The following COL21A1 variants were observed in gnomAD, a reference collection of about 807,000 sequenced individuals.
COL21A1 encodes collagen type XXI alpha 1 chain, also known as collagen alpha-1(XXI) chain.
A neutral mutation model predicts 137.9 loss-of-function variants in COL21A1; 149 were observed. The ratio of observed to expected loss-of-function variants is 1.08; its 90% CI spans 0.95 to 1.24. COL21A1 has a LOEUF of 1.24. Ranked by LOEUF, COL21A1 falls within the 50% of genes most tolerant of loss-of-function variation. The pLI is 0.00. For synonymous variants in COL21A1, 456 were observed against 391.5 expected (o/e 1.16, Z -1.95); for missense variants, 1,167 against 1,158.4 (o/e 1.01, Z -0.11).
intron 17 of COL21A1, among the ~76,000 whole-genome samples, chr6:56,079,209 T>C (rs1010581863): frequency 5.9e-5 from 9 of 151,638 alleles, no homozygotes; most frequent in Non-Finnish European, 1.3e-4. Context: ...TGTAAATTCT[T>C]CTCAGAAGGA....
At position 56,340,134 on chromosome 6, in the gene COL21A1, T is replaced by C. The variant is rs75380645; in HGVS notation, c.-39+53837A>G. On this transcript the variant is annotated intron_variant, in intron 1 of 28. Transcript: ENST00000370819. ...TATTTTTCTTTAGAGATACATTGTTTTTCCTCTCTTATTTGATCTAGATTT... is the reference window on the plus strand; with the variant it reads ...TATTTTTCTTTAGAGATACATTGTTCTTCCTCTCTTATTTGATCTAGATTT... 2.6e-5 allele frequency among the ~76,000 whole-genome samples: 4 copies of C among 152,276 alleles called. No individual in the cohort carries two copies. The East Asian group carries it at 7.7e-4, about 29-fold the overall frequency.
intron 17 of COL21A1, among the ~76,000 whole-genome samples, chr6:56,087,624 T>C (rs1582294549): frequency 6.6e-6 from 1 of 152,202 alleles, no homozygotes; most frequent in African/African-American, 2.4e-5. Context: ...CTGGTGTTTA[T>C]AGTTTCCCTT....
chr6:56,200,455 CT>C (rs1442729279), intron 1 of COL21A1, among the ~76,000 whole-genome samples: 2 of 100,852 alleles, frequency 2.0e-5, no homozygotes, highest in Non-Finnish European at 3.7e-5. Context: ...TCCCTCCCCC[CT>C]CCCCCCACCC....
intron 3 of COL21A1, among the ~76,000 whole-genome samples, chr6:56,178,312 C>G (rs1174338790): frequency 6.6e-6 from 1 of 152,044 alleles, no homozygotes; most frequent in African/African-American, 2.4e-5. Context: ...TCAACAAAAT[C>G]TAACTACTAG....
intron 1 of COL21A1, among the ~76,000 whole-genome samples, chr6:56,274,246 C>T (rs1353709573): frequency 6.6e-6 from 1 of 152,074 alleles, no homozygotes; most frequent in African/African-American, 2.4e-5. Context: ...TATGACAAAC[C>T]CACAGGCAAC....
chr6:56,249,684 G>A (rs971451058), upstream of COL21A1, among the ~76,000 whole-genome samples: 4 of 152,176 alleles, frequency 2.6e-5, no homozygotes, highest in African/African-American at 9.7e-5. Flanking sequence ...CTTGAAGTAC[G>A]TAGTAAATCC....
rs759334652 is a variant in COL21A1 at position 56,180,059 on chromosome 6, A to G, written c.159T>C (p.Phe53=). The G allele has an allele frequency of 6.2e-7, 1 of 1,613,852 alleles. No individual in the cohort carries two copies. Among genetic ancestry groups the G allele is most frequent in the Non-Finnish European group, 8.5e-7 (1 of 1,179,824 alleles). ...TGACAAGCCACTTTTTCACTATTTC[A>G]AAGTTTTCTGGGCCAACACTATAAG... ...DGSYSVGPEN[F]EIVKKWLVNI... is the part of the protein sequence containing the mutation. Residue 53 remains phenylalanine, a synonymous_variant, in exon 3 of 30, where the codon TTT becomes TTC. Transcript: ENST00000244728.
At chr6:56,077,238 G>T (rs1218432043) in intron 18 of COL21A1, among the ~76,000 whole-genome samples, 1 of 151,208 alleles carries the variant, frequency 6.6e-6, no homozygotes, top group Non-Finnish European at 1.5e-5. Flanking sequence ...ATATAGTTAA[G>T]TAAATTAACT....
Position 56,179,766 on chromosome 6 carries a change from A to G in COL21A1, c.452T>C (p.Val151Ala). The change falls in exon 3 of 30, where the codon GTC becomes GCC. Residue 151 changes from valine (V) to alanine (A), a missense_variant. Coordinates refer to ENST00000244728, the MANE Select transcript of COL21A1 (RefSeq NM_030820.4). ...TCTTGCTGCTTGAGCTGCATCCTTG[A>G]CGTCATCTTGGGATTTGCCATCCGT... ...VLTDGKSQDDVKDAAQAARDS... is the reference protein window; with the variant it reads ...VLTDGKSQDDAKDAAQAARDS... 6.2e-7 allele frequency: 1 copy of G among 1,613,860 alleles called. No homozygotes were observed. The highest frequency in any genetic ancestry group is 8.5e-7 in the Non-Finnish European group (1 of 1,179,828).
intron 1 of COL21A1, among the ~76,000 whole-genome samples, chr6:56,312,533 TTGAGA>T (rs1204088770): frequency 6.6e-6 from 1 of 152,170 alleles, no homozygotes; most frequent in Non-Finnish European, 1.5e-5. Flanking sequence ...GTTGTTTGGT[TTGAGA>T]TATCTCTCAG....
At chr6:56,194,467 G>A (rs1245541848) in intron 1 of COL21A1, among the ~76,000 whole-genome samples, 1 of 151,984 alleles carries the variant, frequency 6.6e-6, no homozygotes, top group East Asian at 1.9e-4. Flanking sequence ...AGATTGTAGG[G>A]GAAGAGACCA....
intron 1 of COL21A1, among the ~76,000 whole-genome samples, chr6:56,256,183 A>G (rs756705461): frequency 3.9e-5 from 6 of 152,222 alleles, no homozygotes; most frequent in Non-Finnish European, 7.3e-5. Context: ...ATTACTAATT[A>G]CTAAATTCAA....
chr6:56,165,167 C>G (rs1049156431), intron 7 of COL21A1, among the ~76,000 whole-genome samples: 2 of 151,838 alleles, frequency 1.3e-5, no homozygotes, highest in Non-Finnish European at 2.9e-5. Context: ...ATTTAAGAAC[C>G]AGAAAAAAAA....
intron 1 of COL21A1, among the ~76,000 whole-genome samples, chr6:56,212,577 A>G (rs1453010323): frequency 6.6e-6 from 1 of 152,098 alleles, no homozygotes; most frequent in Non-Finnish European, 1.5e-5. Flanking sequence ...ACAACTAATC[A>G]TGAAAAACAA....
chr6:56,084,166 A>G (rs1270164144), intron 17 of COL21A1, among the ~76,000 whole-genome samples: 1 of 151,826 alleles, frequency 6.6e-6, no homozygotes, highest in Non-Finnish European at 1.5e-5. Context: ...CAGTAGTCAC[A>G]CTTATAGGGA....
intron 1 of COL21A1, among the ~76,000 whole-genome samples, chr6:56,238,725 T>C (rs917330670): frequency 6.6e-6 from 1 of 152,164 alleles, no homozygotes; most frequent in African/African-American, 2.4e-5. Flanking sequence ...AGGTGGATAA[T>C]GGCTAAAATC....
intron 10 of COL21A1, among the ~76,000 whole-genome samples, chr6:56,154,795 A>T (rs1192721610): frequency 6.6e-6 from 1 of 152,124 alleles, no homozygotes. Context: ...CAGCTGAAAA[A>T]ATGCTGCCCC....
intron 1 of COL21A1, among the ~76,000 whole-genome samples, chr6:56,317,985 A>G (rs1764778779): frequency 6.6e-6 from 1 of 152,230 alleles, no homozygotes; most frequent in Non-Finnish European, 1.5e-5. Flanking sequence ...CAGTTCAAGG[A>G]TATGCTCACA....
At chr6:56,378,955 T>C (rs539704099) in intron 1 of COL21A1, among the ~76,000 whole-genome samples, 2 of 152,334 alleles carry the variant, frequency 1.3e-5, no homozygotes, top group South Asian at 2.1e-4. Flanking sequence ...AGAATTCTCT[T>C]GGATCTTGTC....
Sources: gnomAD v4.1 joint callset for allele counts (sites outside exome capture counted in the v4.1 genomes callset) on GRCh38, gnomAD v4.1.1 for gene constraint, MANE v1.5 for transcripts, NCBI Gene and HGNC (gene_info 2026-07-23, HGNC 2026-07-21) for gene names.